The following DRC11 variants were observed in gnomAD, a reference collection of about 807,000 sequenced individuals.
DRC11 encodes the protein IQ and AAA domain-containing protein 1.
chr2:236,484,069 A>G, the DRC11 span, among the ~76,000 whole-genome samples: 131 of 152,296 alleles, frequency 8.6e-4, no homozygotes, highest in Non-Finnish European at 1.6e-3. Context: ...ACCTAAAAAG[A>G]AGATTAAAAA....
At chr2:236,404,786 G>C in the DRC11 span, among the ~76,000 whole-genome samples, 1 of 152,204 alleles carries the variant, frequency 6.6e-6, no homozygotes, top group East Asian at 1.9e-4. Context: ...GACCGGCTCA[G>C]GCTGCTATAA....
At chr2:236,423,761 T>C in the DRC11 span, among the ~76,000 whole-genome samples, 7 of 152,288 alleles carry the variant, frequency 4.6e-5, 1 homozygote, top group Non-Finnish European at 1.5e-5. Context: ...TGTATGTTTA[T>C]TGTGGCACTA....
At chr2:236,452,320 C>T in the DRC11 span, among the ~76,000 whole-genome samples, 1 of 151,924 alleles carries the variant, frequency 6.6e-6, no homozygotes, top group Non-Finnish European at 1.5e-5. The surrounding 1 kb of genome is among the most constrained non-coding windows in gnomAD (Gnocchi z 4.7). Flanking sequence ...AGGTCCAACA[C>T]TGAGCTTCAA....
chr2:236,489,984 T>C, the DRC11 span, among the ~76,000 whole-genome samples: 32 of 152,288 alleles, frequency 2.1e-4, 1 homozygote, highest in East Asian at 6.2e-3. Flanking sequence ...TGAAGCCTGT[T>C]TCCAGGCCTC....
the DRC11 span, among the ~76,000 whole-genome samples, chr2:236,477,398 T>G: frequency 6.6e-6 from 1 of 152,194 alleles, no homozygotes; most frequent in Non-Finnish European, 1.5e-5. Context: ...TAAGTAGAAG[T>G]GCATCATCAT....
chr2:236,357,083 A>ATTTTATATATTCGTATATTATATATC, the DRC11 span, among the ~76,000 whole-genome samples: 2 of 106,248 alleles, frequency 1.9e-5, no homozygotes, highest in African/African-American at 8.5e-5. Flanking sequence ...TTATATATCT[A>ATTTTATATATTCGTATATTATATATC]TATATTTTAT....
the DRC11 span, among the ~76,000 whole-genome samples, chr2:236,323,753 A>G: frequency 5.3e-5 from 8 of 152,326 alleles, no homozygotes; most frequent in East Asian, 3.9e-4. This position sits in a 1 kb window ranked among gnomAD's most constrained non-coding sequence, Gnocchi z 6.4. Context: ...TCCCATCTCA[A>G]TTGAAGTCTA....
At chr2:236,353,981 C>T in the DRC11 span, among the ~76,000 whole-genome samples, 37 of 152,156 alleles carry the variant, frequency 2.4e-4, no homozygotes, top group African/African-American at 7.5e-4. This position sits in a 1 kb window ranked among gnomAD's most constrained non-coding sequence, Gnocchi z 5.0. Flanking sequence ...TATGTACTTG[C>T]GGAGGTTACT....
chr2:236,467,192 T>C, the DRC11 span, among the ~76,000 whole-genome samples: 13 of 152,256 alleles, frequency 8.5e-5, no homozygotes, highest in East Asian at 2.3e-3. Flanking sequence ...TTGGTAGGTC[T>C]ATACAATATA....
At chr2:236,425,254 T>G in the DRC11 span, among the ~76,000 whole-genome samples, 2 of 152,056 alleles carry the variant, frequency 1.3e-5, no homozygotes, top group African/African-American at 4.8e-5. Flanking sequence ...CCATAATGGC[T>G]GTGTTAATTT....
chr2:236,358,725 TG>T, the DRC11 span, among the ~76,000 whole-genome samples: 1 of 149,328 alleles, frequency 6.7e-6, no homozygotes, highest in Non-Finnish European at 1.5e-5. Context: ...GGAATTAACG[TG>T]CCCATTTTAC....
At chr2:236,416,721 TTATA>T in the DRC11 span, among the ~76,000 whole-genome samples, 2,142 of 63,142 alleles carry the variant, frequency 0.034, 24 homozygotes, top group South Asian at 0.056. Flanking sequence ...ATATATATAT[TTATA>T]TATATATATA....
chr2:236,357,533 A>ATATAATT, the DRC11 span, among the ~76,000 whole-genome samples: 7 of 127,416 alleles, frequency 5.5e-5, no homozygotes, highest in Non-Finnish European at 7.7e-5. Flanking sequence ...TATATTATGA[A>ATATAATT]TATAATTTAT....
the DRC11 span, among the ~76,000 whole-genome samples, chr2:236,466,101 T>A: frequency 6.6e-6 from 1 of 152,170 alleles, no homozygotes; most frequent in African/African-American, 2.4e-5. Context: ...TGTTTTTTTT[T>A]TCTTCCTTTC....
chr2:236,316,145 T>TTCTCTCTCTCTCTC, the DRC11 span, among the ~76,000 whole-genome samples: 1,609 of 146,160 alleles, frequency 0.011, 28 homozygotes, highest in African/African-American at 0.037. This position sits in a 1 kb window ranked among gnomAD's most constrained non-coding sequence, Gnocchi z 6.8. Flanking sequence ...ACTTATTTTC[T>TTCTCTCTCTCTCTC]TCTCTCTCTC....
chr2:236,380,561 T>C, the DRC11 span: 1 of 1,550,378 alleles, frequency 6.5e-7, no homozygotes, highest in Non-Finnish European at 8.7e-7. This position sits in a 1 kb window ranked among gnomAD's most constrained non-coding sequence, Gnocchi z 4.9. Context: ...AACGAGTCCA[T>C]TCCTCACCTG....
chr2:236,327,871 G>A, the DRC11 span, among the ~76,000 whole-genome samples: 6 of 151,048 alleles, frequency 4.0e-5, no homozygotes, highest in African/African-American at 9.7e-5. Context: ...TAGTAGAGAC[G>A]GAGTTTCTCC....
At chr2:236,422,442 C>T in the DRC11 span, among the ~76,000 whole-genome samples, 1 of 152,122 alleles carries the variant, frequency 6.6e-6, no homozygotes, top group East Asian at 1.9e-4. Flanking sequence ...GAGTGAACTC[C>T]CATTCACAAT....
the DRC11 span, among the ~76,000 whole-genome samples, chr2:236,506,477 T>C: frequency 3.9e-5 from 6 of 152,140 alleles, no homozygotes; most frequent in Admixed American, 3.9e-4. The surrounding 1 kb of genome is among the most constrained non-coding windows in gnomAD (Gnocchi z 4.9). Context: ...GCCTTTAACC[T>C]CTCTGCTCTT....
Sources: allele counts gnomAD v4.1 joint callset (sites outside exome capture counted in the v4.1 genomes callset), GRCh38; gene constraint gnomAD v4.1.1; non-coding constraint Gnocchi (gnomAD v3.1); transcripts MANE v1.5; gene names NCBI Gene and HGNC (gene_info 2026-07-23, HGNC 2026-07-21).